The following OR5A1 variants were observed in gnomAD, a reference collection of about 807,000 sequenced individuals.
OR5A1 encodes olfactory receptor family 5 subfamily A member 1.
A neutral mutation model predicts 6.7 loss-of-function variants in OR5A1; 6 were observed. The ratio of observed to expected loss-of-function variants is 0.89; its 90% confidence interval spans 0.49 to 1.76. The LOEUF (loss-of-function observed/expected upper bound fraction) is 1.76, where lower values mean the gene tolerates loss of function less well. OR5A1 is among the 40% of genes most tolerant of loss of function. OR5A1 has a pLI of 0.01. For missense variants in OR5A1, 378 were observed against 381.7 expected (o/e 0.99, Z 0.08); for synonymous variants, 170 against 155.0 (o/e 1.10, Z -0.72).
chr11:59,438,708 T>C (rs867177727), intron 1 of OR5A1, among the ~76,000 whole-genome samples: 4 of 152,194 alleles, frequency 2.6e-5, no homozygotes, highest in Non-Finnish European at 4.4e-5. Context: ...CAATTATTAG[T>C]AAGCAATCCA....
chr11:59,443,759 C>T lies in OR5A1; in HGVS notation c.591C>T (p.Leu197=), dbSNP rs750664420. The part of the protein sequence containing the change: ...VLALSCSDTF[L]SQVVNFLVVV... ...CTCTGTCTTGCTCTGACACCTTCCT[C>T]AGTCAAGTGGTGAATTTCCTCGTGG... Residue 197 remains leucine, a synonymous_variant, in exon 2 of 2, where the codon CTC becomes CTT. Coordinates refer to ENST00000641045, the MANE Select transcript of OR5A1 (RefSeq NM_001004728.2). 5 of 1,614,110 alleles carry T rather than the reference C, an allele frequency of 3.1e-6. No homozygotes were observed. In the East Asian group the frequency reaches 1.1e-4, roughly 36 times the overall value.
Position 59,443,441 on chromosome 11 carries a change from G to A in OR5A1, c.273G>A (p.Glu91=). 1 of 1,613,852 alleles carries A rather than the reference G, an allele frequency of 6.2e-7. No individual in the cohort carries two copies. Among genetic ancestry groups the A allele is most frequent in the Non-Finnish European group, 8.5e-7 (1 of 1,180,008 alleles). Residue 91 remains glutamate, a synonymous_variant, in exon 2 of 2, where the codon GAG becomes GAA. Transcript: ENST00000641045. The part of the protein sequence containing the change: ...APNMLTDFFW[E]QKTISFVGCA... ...ATATGCTCACTGACTTCTTCTGGGA[G>A]CAGAAGACCATATCATTTGTGGGCT...
rs1398019153 is a variant in OR5A1 at position 59,444,570 on chromosome 11, T to C, written c.*454T>C. ...AGAACTCTCATTCACACCAAGGTCT[T>C]CCTGACTCCAGAGCCCACGTTCTGC... is the stretch of plus-strand genomic sequence containing the variant. On this transcript the variant is annotated 3_prime_UTR_variant, in exon 2 of 2. Transcript: ENST00000641045. 1 of 155,088 alleles carries C rather than the reference T, an allele frequency of 6.4e-6. No individual in the cohort carries two copies. The highest frequency in any genetic ancestry group is 1.4e-5 in the Non-Finnish European group (1 of 69,572). The allele number at this position is 155,088 out of a possible 1,614,324, so 9.6% of individuals were successfully genotyped here.
rs942771854 is a variant in OR5A1 at position 59,445,623 on chromosome 11, C to T, written c.*1507C>T. 13 of 152,304 alleles carry T rather than the reference C, an allele frequency of 8.5e-5. No homozygotes were observed. Among genetic ancestry groups the T allele is most frequent in the Admixed American group, 2.0e-4 (3 of 15,288 alleles). 9.4% of individuals were successfully genotyped at this position (152,304 alleles called of 1,614,324 possible). A position where few individuals can be genotyped will look rare whatever the true frequency, so the allele number is the denominator to read the frequency against. On this transcript the variant is annotated 3_prime_UTR_variant, in exon 2 of 2. Transcript: ENST00000641045. ...ATGGTTGAACTAATTTACATTCCCA[C>T]CAACAGTATAAAAGTGTTCCTATTT...
At chr11:59,437,942 G>A (rs1858438064) in intron 1 of OR5A1, among the ~76,000 whole-genome samples, 1 of 152,200 alleles carries the variant, frequency 6.6e-6, no homozygotes, top group Admixed American at 6.5e-5. Flanking sequence ...CCATGGGGCG[G>A]ATCCTTCATG....
chr11:59,444,134 A>C lies in OR5A1; in HGVS notation c.*18A>C. The C allele has an allele frequency of 6.5e-7, 1 of 1,529,770 alleles. No individual in the cohort carries two copies. Among genetic ancestry groups the C allele is most frequent in the East Asian group, 2.3e-5 (1 of 44,384 alleles). The allele number at this position is 1,529,770 out of a possible 1,614,324, so 94.8% of individuals were successfully genotyped here. A position where few individuals can be genotyped will look rare whatever the true frequency, so the allele number is the denominator to read the frequency against. On this transcript the variant is annotated 3_prime_UTR_variant, in exon 2 of 2. Coordinates refer to ENST00000641045, the MANE Select transcript of OR5A1 (RefSeq NM_001004728.2). ...TTTCTTAGGTCATGCGTAGAAACTTATTTATCCAAACTGCTGGAGAATTAA... is the reference window on the plus strand; with the variant it reads ...TTTCTTAGGTCATGCGTAGAAACTTCTTTATCCAAACTGCTGGAGAATTAA...
Position 59,444,790 on chromosome 11 carries a change from G to A in OR5A1, c.*674G>A, listed in dbSNP as rs1016502141. 3 of 152,168 alleles carry A rather than the reference G, an allele frequency of 2.0e-5. No homozygotes were observed. Among genetic ancestry groups the A allele is most frequent in the African/African-American group, 2.4e-5 (1 of 41,422 alleles). The allele number at this position is 152,168 out of a possible 1,614,324, so 9.4% of individuals were successfully genotyped here. Reference sequence around the variant, plus strand: ...GTTGAATTCCAATTATGGCTACTGAGTAATTTGCTAAGCAAATGCTGAAGG... The same window carrying A: ...GTTGAATTCCAATTATGGCTACTGAATAATTTGCTAAGCAAATGCTGAAGG... On this transcript the variant is annotated 3_prime_UTR_variant, in exon 2 of 2. Coordinates refer to ENST00000641045, the MANE Select transcript of OR5A1 (RefSeq NM_001004728.2).
In OR5A1 at chr11:59,450,216, T is replaced by G. The variant is rs1256978784; in HGVS notation, c.*6100T>G. 2.0e-5 allele frequency: 3 copies of G among 152,222 alleles called. No homozygotes were observed. The highest frequency in any genetic ancestry group is 7.2e-5 in the African/African-American group (3 of 41,456). The allele number at this position is 152,222 out of a possible 1,614,324, so 9.4% of individuals were successfully genotyped here. On this transcript the variant is annotated 3_prime_UTR_variant, in exon 2 of 2. Coordinates refer to ENST00000641045, the MANE Select transcript of OR5A1 (RefSeq NM_001004728.2). ...AGGTTACAAAATAGAAAGGCTATCG[T>G]TTGATCCTGACCTCACATTGAGCCT...
At chr11:59,439,557 G>C (rs141832369) in intron 1 of OR5A1, among the ~76,000 whole-genome samples, 1 of 152,272 alleles carries the variant, frequency 6.6e-6, no homozygotes, top group African/African-American at 2.4e-5. Context: ...ATGCCATAAA[G>C]CACTCCATAC....
rs1266235733 is a variant in OR5A1 at position 59,445,558 on chromosome 11, A to C, written c.*1442A>C. ...GATTGCTGGGTCAAATGATATTTCC[A>C]TTTCTAGGTCTTTGAGGACTCGCCA... On this transcript the variant is annotated 3_prime_UTR_variant, in exon 2 of 2. Coordinates refer to ENST00000641045, the MANE Select transcript of OR5A1 (RefSeq NM_001004728.2). 6.6e-6 allele frequency: 1 copy of C among 152,062 alleles called. No individual in the cohort carries two copies. Among genetic ancestry groups the C allele is most frequent in the East Asian group, 1.9e-4 (1 of 5,192 alleles). 9.4% of individuals were successfully genotyped at this position (152,062 alleles called of 1,614,324 possible).
chr11:59,438,104 A>G (rs1858442307), intron 1 of OR5A1, among the ~76,000 whole-genome samples: 2 of 152,172 alleles, frequency 1.3e-5, no homozygotes, highest in African/African-American at 4.8e-5. Context: ...CCGTGATTAT[A>G]GCTTCCTGCA....
chr11:59,437,548 G>C (rs1055803722), intron 1 of OR5A1, among the ~76,000 whole-genome samples: 1 of 152,148 alleles, frequency 6.6e-6, no homozygotes, highest in African/African-American at 2.4e-5. Flanking sequence ...GAAGTCTGCT[G>C]TATACTATTT....
Position 59,451,075 on chromosome 11 carries a change from C to T in OR5A1, c.*6959C>T, listed in dbSNP as rs2134542877. On this transcript the variant is annotated 3_prime_UTR_variant, in exon 2 of 2. Transcript: ENST00000641045. ...CATATTACATTTTGACACATATTTC[C>T]AGAATGACCCCAGAAATGCTGCCTA... is the stretch of plus-strand genomic sequence containing the variant. The T allele has an allele frequency of 6.6e-6, 1 of 152,236 alleles. No homozygotes were observed. Among genetic ancestry groups the T allele is most frequent in the South Asian group, 2.1e-4 (1 of 4,824 alleles). 9.4% of individuals were successfully genotyped at this position (152,236 alleles called of 1,614,324 possible). A position where few individuals can be genotyped will look rare whatever the true frequency, so the allele number is the denominator to read the frequency against.
rs1336850344 is a variant in OR5A1, at chr11:59,447,895, G to C, written c.*3779G>C. On this transcript the variant is annotated 3_prime_UTR_variant, in exon 2 of 2. Coordinates refer to ENST00000641045, the MANE Select transcript of OR5A1 (RefSeq NM_001004728.2). ...GGAGACAGATCCCAAAGAAAGAGAA[G>C]GAAGATCAGAAGGCCAAGTTCTCCT... 1 of 152,058 alleles carries C rather than the reference G, an allele frequency of 6.6e-6. No individual in the cohort carries two copies. Among genetic ancestry groups the C allele is most frequent in the Non-Finnish European group, 1.5e-5 (1 of 68,036 alleles). The allele number at this position is 152,058 out of a possible 1,614,324, so 9.4% of individuals were successfully genotyped here. A position where few individuals can be genotyped will look rare whatever the true frequency, so the allele number is the denominator to read the frequency against.
intron 1 of OR5A1, among the ~76,000 whole-genome samples, chr11:59,441,136 T>C (rs927345359): frequency 1.3e-5 from 2 of 152,244 alleles, no homozygotes; most frequent in African/African-American, 2.4e-5. Flanking sequence ...CTCTCCTAAA[T>C]TGAGCAGAAA....
intron 1 of OR5A1, among the ~76,000 whole-genome samples, chr11:59,438,015 G>T (rs1402679790): frequency 6.6e-6 from 1 of 152,138 alleles, no homozygotes; most frequent in Non-Finnish European, 1.5e-5. Context: ...TGTTTAAAGA[G>T]CCTGGCCCCT....
intron 1 of OR5A1, among the ~76,000 whole-genome samples, chr11:59,442,430 G>A (rs773746632): frequency 6.6e-5 from 10 of 151,176 alleles, no homozygotes; most frequent in Non-Finnish European, 8.8e-5. Context: ...CAACAAGAGC[G>A]AAACTCCATC....
Position 59,446,133 on chromosome 11 carries a change from C to T in OR5A1, c.*2017C>T, listed in dbSNP as rs567694339. 1.3e-5 allele frequency: 2 copies of T among 152,150 alleles called. No individual in the cohort carries two copies. The highest frequency in any genetic ancestry group is 2.9e-5 in the Non-Finnish European group (2 of 68,018). The allele number at this position is 152,150 out of a possible 1,614,324, so 9.4% of individuals were successfully genotyped here. ...ATAGTTTGGGGCTTTACATTTAAAT[C>T]TTTAATCCATCTTGAGTTAATTTTT... On this transcript the variant is annotated 3_prime_UTR_variant, in exon 2 of 2. Transcript: ENST00000641045.
In OR5A1 at chr11:59,437,652, A is replaced by G. The variant is rs577663410; in HGVS notation, c.-34+817A>G. On this transcript the variant is annotated intron_variant, in intron 1 of 1. Transcript: ENST00000641045. ...TTTTTTGCCAAAGTTTTTTAAATGT[A>G]CATTATTCTTTTCATATTTGAGCTT... 5.3e-5 allele frequency among the ~76,000 whole-genome samples: 8 copies of G among 152,360 alleles called. No homozygotes were observed. The South Asian group carries it at 1.4e-3, about 28-fold the overall frequency.
Sources: gnomAD v4.1 joint callset for allele counts (sites outside exome capture counted in the v4.1 genomes callset) on GRCh38, gnomAD v4.1.1 for gene constraint, MANE v1.5 for transcripts, NCBI Gene and HGNC (gene_info 2026-07-23, HGNC 2026-07-21) for gene names.